Variants in RBM34 observed in about 807,000 individuals in gnomAD.
RBM34 encodes RNA binding motif protein 34, also known as RNA-binding protein 34.
In RBM34, 39 loss-of-function variants were observed where a neutral mutation model predicts 44.6. The ratio of observed to expected loss-of-function variants is 0.87; its 90% CI spans 0.68 to 1.14. The LOEUF is 1.14. RBM34 is among the 50% of genes most tolerant of loss of function. The probability of loss-of-function intolerance (pLI) is 0.00; values close to 1 mark genes in which losing one functional copy is unlikely to be tolerated. For synonymous variants in RBM34, 194 were observed against 184.0 expected (o/e 1.05, Z -0.44); for missense variants, 572 against 517.9 (o/e 1.10, Z -1.01).
chr1:235,149,254 TG>T (rs1241815854), intron 5 of RBM34, among the ~76,000 whole-genome samples: 1 of 151,590 alleles, frequency 6.6e-6, no homozygotes, highest in Admixed American at 6.6e-5. Context: ...CCAGACGTGG[TG>T]GCGGGCGCCT....
At chr1:235,140,557 G>A (rs1008789244) in intron 6 of RBM34, among the ~76,000 whole-genome samples, 5 of 152,204 alleles carry the variant, frequency 3.3e-5, no homozygotes, top group African/African-American at 7.2e-5. Flanking sequence ...CCTGCAGCCC[G>A]CTATGCCTGA....
chr1:235,156,744 C>T (rs1662464891), intron 3 of RBM34: 2 of 404,032 alleles, frequency 5.0e-6, no homozygotes, highest in South Asian at 3.9e-5. Flanking sequence ...ATGACTCACT[C>T]ATCAGCAAAT....
At chr1:235,155,429 C>T (rs1662357014) in intron 3 of RBM34, among the ~76,000 whole-genome samples, 1 of 151,402 alleles carries the variant, frequency 6.6e-6, no homozygotes. Flanking sequence ...GCAGCCTCAA[C>T]CTCCCAGGCT....
chr1:235,134,837 C>T (rs566156574), intron 10 of RBM34, among the ~76,000 whole-genome samples: 9 of 151,646 alleles, frequency 5.9e-5, no homozygotes, highest in East Asian at 1.9e-4. Context: ...CTCTGCCTCC[C>T]GGGTTCAAGC....
rs1426539650 is a variant in RBM34, at chr1:235,136,143, C to T, written c.850-70G>A. The stretch of plus-strand genomic sequence containing the variant: ...AAATGGAAGTCATCGAAAATCCTCC[C>T]TATCCCTCCTTCCCCCCATATCTGA... On this transcript the variant is annotated intron_variant, in intron 8 of 10. Coordinates refer to ENST00000408888, the MANE Select transcript of RBM34 (RefSeq NM_015014.4). The T allele has an allele frequency of 3.9e-6, 5 of 1,298,206 alleles. No homozygotes were observed. In the East Asian group the frequency reaches 1.2e-4, roughly 31 times the overall value. 80.4% of individuals were successfully genotyped at this position (1,298,206 alleles called of 1,614,324 possible). A position where few individuals can be genotyped will look rare whatever the true frequency, so the allele number is the denominator to read the frequency against.
At chr1:235,152,444 A>G in intron 5 of RBM34, 2 of 1,123,644 alleles carry the variant, frequency 1.8e-6, no homozygotes, top group Non-Finnish European at 2.2e-6. Flanking sequence ...GACACAGTAA[A>G]TAAGTCACCC....
At position 235,131,757 on chromosome 1, in the gene RBM34, G is replaced by A. The variant is rs1661206725; in HGVS notation, c.1249C>T (p.Gln417Ter). The change falls in exon 11 of 11, where the codon CAG (glutamine) becomes TAG (stop). Residue 417 changes from glutamine to a stop codon, truncating the protein, a stop_gained. Transcript: ENST00000408888. LOFTEE classifies it high-confidence loss of function. The part of the protein sequence containing the change: ...AVLLKTKKKG[Q>*]KKSGRPKKQR... The stretch of plus-strand genomic sequence containing the variant: ...TTCTTAGGGCGTCCACTTTTCTTCT[G>A]TCCTTTCTTCTTCGTTTTAAGGAGA... 2 of 1,609,826 alleles carry A rather than the reference G, an allele frequency of 1.2e-6. No individual in the cohort carries two copies. The highest frequency in any genetic ancestry group is 1.3e-5 in the African/African-American group (1 of 74,436).
chr1:235,161,223 C>A lies in RBM34; in HGVS notation c.4G>T (p.Ala2Ser). 10 of 1,613,280 alleles carry A rather than the reference C, an allele frequency of 6.2e-6. No individual in the cohort carries two copies. The highest frequency in any genetic ancestry group is 2.2e-5 in the East Asian group (1 of 44,874). ...TTCCGTTTGCTCATCCCTTCCAAGG[C>A]CATTCTTACTCCAAAGACTCCCAGA... Reference protein sequence around the residue: MALEGMSKRKRK... With the variant: MSLEGMSKRKRK... Residue 2 changes from alanine (A) to serine (S), a missense_variant, in exon 1 of 11, where the codon GCC becomes TCC. By Grantham distance (99) the Ala-to-Ser change is moderately conservative. Transcript: ENST00000408888.
chr1:235,156,690 T>C (rs1374224744), intron 3 of RBM34: 2 of 448,240 alleles, frequency 4.5e-6, no homozygotes, highest in Non-Finnish European at 9.0e-6. Flanking sequence ...AACTAAAGGA[T>C]ATTAAGGAGT....
At chr1:235,142,419 C>T (rs1177938325) in intron 6 of RBM34, among the ~76,000 whole-genome samples, 2 of 152,022 alleles carry the variant, frequency 1.3e-5, no homozygotes, top group African/African-American at 4.8e-5. Flanking sequence ...GCTGGGATTA[C>T]AGGCGCACGC....
At position 235,152,719 on chromosome 1, in the gene RBM34, C is replaced by T; in HGVS notation, c.644G>A (p.Arg215Gln). The change falls in exon 5 of 11, where the codon CGA (arginine) becomes CAA (glutamine). Residue 215 changes from arginine to glutamine, a missense_variant. Physicochemically the swap from Arg to Gln is conservative, Grantham distance 43. Transcript: ENST00000408888. ...AATGAAACATACCAGAGAACGAAAT[C>T]GTACAGATTCTATTTGTCCATACTC... is the stretch of plus-strand genomic sequence containing the variant. ...FKEYGQIESV[R>Q]FRSLIPAEGT... The T allele has an allele frequency of 4.4e-6, 7 of 1,599,830 alleles. No individual in the cohort carries two copies. Among genetic ancestry groups the T allele is most frequent in the Admixed American group, 1.7e-5 (1 of 58,092 alleles).
chr1:235,149,608 C>G (rs902142650), intron 5 of RBM34, among the ~76,000 whole-genome samples: 1 of 152,098 alleles, frequency 6.6e-6, no homozygotes, highest in African/African-American at 2.4e-5. Context: ...TTCAGGTTCA[C>G]TTTATTTCCA....
chr1:235,138,276 A>G, intron 6 of RBM34, 102 bp from the exon 7 acceptor site: 1 of 826,124 alleles, frequency 1.2e-6, no homozygotes. Flanking sequence ...AACTCTTAAC[A>G]CACATGACAA....
At chr1:235,149,261 C>T (rs1475187902) in intron 5 of RBM34, among the ~76,000 whole-genome samples, 10 of 151,564 alleles carry the variant, frequency 6.6e-5, no homozygotes, top group African/African-American at 1.9e-4. Flanking sequence ...TGGTGGCGGG[C>T]GCCTGTAGTC....
chr1:235,140,183 C>T (rs758343480), intron 6 of RBM34, among the ~76,000 whole-genome samples: 2 of 152,260 alleles, frequency 1.3e-5, no homozygotes, highest in African/African-American at 2.4e-5. Context: ...CCCACTTTGA[C>T]GGCACTTGAG....
At chr1:235,146,254 T>C (rs937299793) in intron 6 of RBM34, among the ~76,000 whole-genome samples, 3 of 152,112 alleles carry the variant, frequency 2.0e-5, no homozygotes, top group African/African-American at 7.2e-5. Context: ...CCTTCAGCAT[T>C]ATTTGTAATG....
chr1:235,132,412 G>A (rs1273396563), intron 10 of RBM34, among the ~76,000 whole-genome samples: 8 of 152,100 alleles, frequency 5.3e-5, no homozygotes, highest in African/African-American at 9.7e-5. Flanking sequence ...GAGTTCAAGC[G>A]ATTCTCTTGC....
intron 3 of RBM34, among the ~76,000 whole-genome samples, chr1:235,158,887 G>GT (rs1361531123): frequency 9.9e-5 from 15 of 151,892 alleles, no homozygotes; most frequent in African/African-American, 3.4e-4. Flanking sequence ...GGAGACGGAG[G>GT]TAGGAGGATG....
At chr1:235,136,989 T>C (rs1486867295) in intron 8 of RBM34, among the ~76,000 whole-genome samples, 1 of 152,162 alleles carries the variant, frequency 6.6e-6, no homozygotes, top group African/African-American at 2.4e-5. Context: ...CTCTTCTTTC[T>C]TTTTTCCCCC....
Sources: allele counts gnomAD v4.1 joint callset (sites outside exome capture counted in the v4.1 genomes callset), GRCh38; gene constraint gnomAD v4.1.1; transcripts MANE v1.5; gene names NCBI Gene and HGNC (gene_info 2026-07-23, HGNC 2026-07-21).